MYO16: variants seen among roughly 807,000 people sequenced by gnomAD.
The protein encoded by MYO16 is myosin XVI.
MYO16 carries 94 observed loss-of-function variants against 205.3 expected under a neutral mutation model. The ratio of observed to expected loss-of-function variants is 0.46; its 90% CI spans 0.39 to 0.54. The LOEUF is 0.54. Ranked by LOEUF, MYO16 falls within the 20% of genes least tolerant of loss-of-function variation. MYO16 has a pLI of 0.00. For synonymous variants in MYO16, 988 were observed against 954.0 expected (o/e 1.04, Z -0.66); for missense variants, 2,315 against 2,387.5 (o/e 0.97, Z 0.63).
chr13:109,099,103 C>A (rs1475668890), intron 27 of MYO16, among the ~76,000 whole-genome samples: 1 of 152,178 alleles, frequency 6.6e-6, no homozygotes, highest in Non-Finnish European at 1.5e-5. Flanking sequence ...CACTCCTCAT[C>A]TTCAAGGCTC....
At chr13:109,018,619 G>A (rs969585103) in intron 22 of MYO16, among the ~76,000 whole-genome samples, 39 of 152,196 alleles carry the variant, frequency 2.6e-4, no homozygotes, top group East Asian at 7.7e-4. Flanking sequence ...CATTGGATCC[G>A]TTGAGCGAAG....
Position 108,712,690 on chromosome 13 carries a change from C to T in MYO16, c.322C>T (p.Pro108Ser). 1 of 1,614,120 alleles carries T rather than the reference C, an allele frequency of 6.2e-7. No homozygotes were observed. The highest frequency in any genetic ancestry group is 8.5e-7 in the Non-Finnish European group (1 of 1,179,994). Reference protein sequence around the residue: ...VLRLLKEGADPHTLVSSGGSL... With the variant: ...VLRLLKEGADSHTLVSSGGSL... ...TCGGCTCCTGAAGGAGGGGGCAGAC[C>T]CCCACACCCTCGTCTCCTCGGGAGG... is the stretch of plus-strand genomic sequence containing the variant. Residue 108 changes from proline to serine, a missense_variant, in exon 3 of 35, where the codon CCC (proline) becomes TCC (serine). This residue lies in a region of MYO16 where 1,213 missense variants were observed against 1,274.4 expected (regional missense o/e 0.95). Transcript: ENST00000457511.
Position 109,140,328 on chromosome 13 carries a change from G to A in MYO16, c.4116G>A (p.Lys1372=), listed in dbSNP as rs780678341. The change falls in exon 32 of 35, where the codon AAG becomes AAA. Residue 1372 remains lysine, a synonymous_variant. Transcript: ENST00000457511. The surrounding 1 kb of genome is among the most constrained non-coding windows in gnomAD (Gnocchi z 8.0). ...CCATGAAGAAGATTCCTCCTCGAAA[G>A]CCCAAGCGCAGCCCCAACACCAAGC... ...YSTMKKIPPR[K]PKRSPNTKLS... 5.6e-6 allele frequency: 9 copies of A among 1,603,124 alleles called. No homozygotes were observed. The African/African-American group carries it at 6.7e-5, about 12-fold the overall frequency.
At chr13:108,762,343 C>T (rs1885637196) in intron 4 of MYO16, among the ~76,000 whole-genome samples, 1 of 152,128 alleles carries the variant, frequency 6.6e-6, no homozygotes, top group Admixed American at 6.5e-5. Context: ...GATTTATTTT[C>T]CTTTGGGAAG....
chr13:109,140,618 C>G lies in MYO16; in HGVS notation c.4406C>G (p.Ala1469Gly). 1 of 1,518,158 alleles carries G rather than the reference C, an allele frequency of 6.6e-7. No homozygotes were observed. The highest frequency in any genetic ancestry group is 8.8e-7 in the Non-Finnish European group (1 of 1,138,442). 94.0% of individuals were successfully genotyped at this position (1,518,158 alleles called of 1,614,324 possible). Residue 1469 changes from alanine (A) to glycine (G), a missense_variant, in exon 32 of 35, where the codon GCG becomes GGG. Around this residue, in one of 3 missense-constraint regions of MYO16, gnomAD observed 1,097 missense variants for 1,092.0 expected, o/e 1.00. Coordinates refer to ENST00000457511, the MANE Select transcript of MYO16 (RefSeq NM_001198950.3). The surrounding 1 kb of genome is among the most constrained non-coding windows in gnomAD (Gnocchi z 8.0). Reference sequence around the variant, plus strand: ...CTGCCCGACGACGGCGGCCCGGGCGCGGGCTCCTTCCTGCTCCACGGCGCA... The same window carrying G: ...CTGCCCGACGACGGCGGCCCGGGCGGGGGCTCCTTCCTGCTCCACGGCGCA... ...CCLPDDGGPG[A>G]GSFLLHGASP...
At chr13:109,130,327 A>G (rs1876473754) in intron 31 of MYO16, among the ~76,000 whole-genome samples, 1 of 152,164 alleles carries the variant, frequency 6.6e-6, no homozygotes, top group African/African-American at 2.4e-5. Flanking sequence ...TCAAAGGGCA[A>G]GTGTATGCAT....
At chr13:108,594,076 G>A (rs1269357252), upstream of MYO16, among the ~76,000 whole-genome samples, 4 of 152,120 alleles carry the variant, frequency 2.6e-5, no homozygotes, top group Admixed American at 6.5e-5. Flanking sequence ...ACTCAAACAC[G>A]GGCTACCCAA....
chr13:109,119,140 A>G (rs1265369435), intron 28 of MYO16, among the ~76,000 whole-genome samples: 2 of 152,226 alleles, frequency 1.3e-5, no homozygotes, highest in African/African-American at 2.4e-5. Flanking sequence ...CTCCATTTTC[A>G]TATGAAATGG....
At position 109,171,116 on chromosome 13, in the gene MYO16, C is replaced by T. The variant is rs571558609; in HGVS notation, c.5323+6057C>T. On this transcript the variant is annotated intron_variant, in intron 33 of 34. Coordinates refer to ENST00000457511, the MANE Select transcript of MYO16 (RefSeq NM_001198950.3). The stretch of plus-strand genomic sequence containing the variant: ...ATTTTTAAAACATCCAGCACAATAC[C>T]CTTTATACTTAGGCCCTGAGTAAGC... 8.5e-5 allele frequency among the ~76,000 whole-genome samples: 13 copies of T among 152,288 alleles called. No individual in the cohort carries two copies. In the South Asian group the frequency reaches 1.5e-3, roughly 17 times the overall value.
the MYO16 span, among the ~76,000 whole-genome samples, chr13:108,574,151 C>A: frequency 1.3e-5 from 2 of 152,192 alleles, no homozygotes; most frequent in African/African-American, 4.8e-5. Flanking sequence ...CTGCGCCCAG[C>A]CTAATTGGTC....
At chr13:109,011,727 A>G (rs1405380493) in intron 22 of MYO16, among the ~76,000 whole-genome samples, 1 of 151,724 alleles carries the variant, frequency 6.6e-6, no homozygotes, top group African/African-American at 2.4e-5. Flanking sequence ...GTTGGCCAGG[A>G]TGGTCTGGAT....
chr13:108,972,280 T>TATATATATATATA (rs57199843), intron 20 of MYO16, among the ~76,000 whole-genome samples: 2 of 73,854 alleles, frequency 2.7e-5, no homozygotes, highest in Non-Finnish European at 2.6e-5. Context: ...TATATATATA[T>TATATATATATATA]TTACCAGCCA....
intron 32 of MYO16, among the ~76,000 whole-genome samples, chr13:109,148,203 A>G (rs998954820): frequency 6.6e-6 from 1 of 150,938 alleles, no homozygotes; most frequent in Admixed American, 6.6e-5. Flanking sequence ...AAATTTATCT[A>G]TGTTAAGAGC....
intron 2 of MYO16, among the ~76,000 whole-genome samples, chr13:108,667,392 A>G (rs929860666): frequency 6.6e-6 from 1 of 151,720 alleles, no homozygotes; most frequent in African/African-American, 2.4e-5. Flanking sequence ...GTACCTAAAA[A>G]CATTTGGTGT....
At chr13:108,863,284 A>G (rs1007492896) in intron 11 of MYO16, among the ~76,000 whole-genome samples, 2 of 152,128 alleles carry the variant, frequency 1.3e-5, no homozygotes, top group Non-Finnish European at 2.9e-5. Flanking sequence ...CCCAGAAAAA[A>G]GCTTTGAGTG....
At position 108,914,072 on chromosome 13, in the gene MYO16, T is replaced by C. The variant is rs72485642; in HGVS notation, c.1925+3922T>C. On this transcript the variant is annotated intron_variant, in intron 16 of 34. Coordinates refer to ENST00000457511, the MANE Select transcript of MYO16 (RefSeq NM_001198950.3). ...CATATATGTAGTATATCTACTATTATTAAGTAGATAATTATATCTACTATT... is the reference window on the plus strand; with the variant it reads ...CATATATGTAGTATATCTACTATTACTAAGTAGATAATTATATCTACTATT... 2.7e-3 allele frequency among the ~76,000 whole-genome samples: 412 copies of C among 151,638 alleles called. 20 individuals carry two copies. The East Asian group carries it at 0.066, about 24-fold the overall frequency.
chr13:108,986,917 G>A (rs1045701720), intron 20 of MYO16, among the ~76,000 whole-genome samples: 1 of 152,094 alleles, frequency 6.6e-6, no homozygotes, highest in East Asian at 1.9e-4. Context: ...TCAAATGCTT[G>A]GTCTATCTAA....
In MYO16 at chr13:108,962,461, A is replaced by G. The variant is rs1394018138; in HGVS notation, c.2193A>G (p.Ala731=). Residue 731 remains alanine, a synonymous_variant, in exon 19 of 35, where the codon GCA becomes GCG. Transcript: ENST00000457511. The part of the protein sequence containing the change: ...GMLQVSTDEL[A]SALTTDIQYF... ...TACAAGTATCAACAGATGAATTGGC[A>G]TCTGCCTTAACAACTGATATTCAAT... 5.6e-6 allele frequency: 9 copies of G among 1,599,538 alleles called. No homozygotes were observed. The Admixed American group carries it at 1.2e-4, about 22-fold the overall frequency.
At position 109,168,679 on chromosome 13, in the gene MYO16, C is replaced by G. The variant is rs370439587; in HGVS notation, c.5323+3620C>G. On this transcript the variant is annotated intron_variant, in intron 33 of 34. Coordinates refer to ENST00000457511, the MANE Select transcript of MYO16 (RefSeq NM_001198950.3). ...GGCGGAGTTTGCAGTGAGCCCTGAT[C>G]GCGCCACTGCACTCCAGCCTGGGTG... 1.1e-3 allele frequency among the ~76,000 whole-genome samples: 169 copies of G among 152,042 alleles called. 1 individual carries two copies. Among genetic ancestry groups the G allele is most frequent in the Non-Finnish European group, 2.1e-3 (145 of 68,010 alleles).
Sources: allele counts gnomAD v4.1 joint callset (sites outside exome capture counted in the v4.1 genomes callset), GRCh38; gene constraint gnomAD v4.1.1; regional missense constraint gnomAD v4.1.1; non-coding constraint Gnocchi (gnomAD v3.1); transcripts MANE v1.5; gene names NCBI Gene and HGNC (gene_info 2026-07-23, HGNC 2026-07-21).